KLHL7: variants seen among roughly 807,000 people sequenced by gnomAD.
KLHL7 encodes the protein kelch like family member 7.
KLHL7 carries 44 observed loss-of-function variants against 67.4 expected under a neutral mutation model. That is an observed-to-expected ratio of 0.65 (90% CI 0.51 to 0.84). The LOEUF is 0.84. KLHL7 is among the 40% of genes least tolerant of loss of function. KLHL7 has a pLI of 0.00. For synonymous variants in KLHL7, 252 were observed against 243.3 expected (o/e 1.04, Z -0.33); for missense variants, 362 against 718.1 (o/e 0.50, Z 5.67).
In KLHL7 at chr7:23,164,457, T is replaced by C. The variant is rs1213595394; in HGVS notation, c.937-1241T>C. Among the ~76,000 whole-genome samples the C allele has an allele frequency of 4.6e-5, 7 of 152,214 alleles. 1 individual carries two copies. The highest frequency in any genetic ancestry group is 1.0e-4 in the Non-Finnish European group (7 of 68,036). ...TTTATCTCTTTATTTCATTCTGTGGTATACAGTTTCTCTAAGAGAACAAGT... is the reference window on the plus strand; with the variant it reads ...TTTATCTCTTTATTTCATTCTGTGGCATACAGTTTCTCTAAGAGAACAAGT... On this transcript the variant is annotated intron_variant, in intron 7 of 10. Coordinates refer to ENST00000339077, the MANE Select transcript of KLHL7 (RefSeq NM_001031710.3).
In KLHL7 at chr7:23,177,728, T is replaced by C. The variant is rs1315260564; in HGVS notation, c.*3430T>C. The C allele has an allele frequency of 6.6e-6, 1 of 152,186 alleles. No individual in the cohort carries two copies. Among genetic ancestry groups the C allele is most frequent in the African/African-American group, 2.4e-5 (1 of 41,452 alleles). The allele number at this position is 152,186 out of a possible 1,614,324, so 9.4% of individuals were successfully genotyped here. ...AAATCACAATTCGGTCAGAAAAGTT[T>C]AGCATCTTAAAAAAATTGTTGCTAT... On this transcript the variant is annotated 3_prime_UTR_variant, in exon 11 of 11. Coordinates refer to ENST00000339077, the MANE Select transcript of KLHL7 (RefSeq NM_001031710.3).
intron 1 of KLHL7, among the ~76,000 whole-genome samples, chr7:23,107,834 A>G (rs1282534777): frequency 1.3e-5 from 2 of 152,228 alleles, no homozygotes; most frequent in African/African-American, 4.8e-5. Context: ...TAGCACTTTT[A>G]TCAACTTCAT....
intron 1 of KLHL7, among the ~76,000 whole-genome samples, chr7:23,120,908 T>C (rs1783307283): frequency 1.3e-5 from 2 of 152,168 alleles, no homozygotes; most frequent in Non-Finnish European, 2.9e-5. Context: ...TGATATAGAA[T>C]ATTAGAACTT....
chr7:23,152,327 T>C, intron 7 of KLHL7, 118 bp downstream of exon 7: 1 of 914,766 alleles, frequency 1.1e-6, no homozygotes, highest in Non-Finnish European at 1.8e-6. Flanking sequence ...TTTATGGTGT[T>C]CTTTCACATA....
intron 1 of KLHL7, among the ~76,000 whole-genome samples, chr7:23,123,275 T>G (rs1783423880): frequency 6.6e-6 from 1 of 152,222 alleles, no homozygotes; most frequent in South Asian, 2.1e-4. Flanking sequence ...CTGAGCTGTT[T>G]CTGTTTCAAG....
chr7:23,123,706 C>T, intron 1 of KLHL7, 71 bp from the exon 2 acceptor site: 1 of 976,082 alleles, frequency 1.0e-6, no homozygotes, highest in South Asian at 1.4e-5. Flanking sequence ...TTGGCAAGCA[C>T]CTTTTTAACA....
intron 1 of KLHL7, chr7:23,117,743 A>G (rs1469796320): frequency 2.5e-6 from 3 of 1,192,762 alleles, no homozygotes; most frequent in Admixed American, 2.6e-5. Context: ...CTTTGCATTT[A>G]TTATTGCTTT....
intron 7 of KLHL7, among the ~76,000 whole-genome samples, chr7:23,153,289 G>T (rs1391375698): frequency 1.3e-5 from 2 of 152,070 alleles, no homozygotes; most frequent in East Asian, 3.9e-4. Flanking sequence ...ACCAAGCCCA[G>T]GCCTCTCAAG....
intron 1 of KLHL7, among the ~76,000 whole-genome samples, chr7:23,116,296 CACAGGGACCACTATGGCCCTT>C (rs1319560200): frequency 4.6e-5 from 7 of 152,338 alleles, no homozygotes; most frequent in South Asian, 2.1e-4. Context: ...CCCGTGGTCC[CACAGGGACCACTATGGCCCTT>C]ACAGCATGCT....
In KLHL7 at chr7:23,125,145, G is replaced by A; in HGVS notation, c.415G>A (p.Glu139Lys). The change falls in exon 4 of 11, where the codon GAA becomes AAA. Residue 139 changes from glutamate to lysine, a missense_variant. Physicochemically the swap from Glu to Lys is moderately conservative, Grantham distance 56. This residue lies in a region of KLHL7 where 155 missense variants were observed against 280.8 expected (regional missense o/e 0.55). Coordinates refer to ENST00000339077, the MANE Select transcript of KLHL7 (RefSeq NM_001031710.3). The part of the protein sequence containing the change: ...VKKMCVDFLK[E>K]QVDASNCLGI... ...GAAAATGTGTGTTGATTTTTTGAAA[G>A]AACAAGTTGATGCTTCAAATTGTCT... 1 of 1,613,490 alleles carries A rather than the reference G, an allele frequency of 6.2e-7. No homozygotes were observed. The highest frequency in any genetic ancestry group is 8.5e-7 in the Non-Finnish European group (1 of 1,179,554).
At chr7:23,169,361 G>A (rs187103214) in intron 9 of KLHL7, among the ~76,000 whole-genome samples, 1 of 152,236 alleles carries the variant, frequency 6.6e-6, no homozygotes, top group Non-Finnish European at 1.5e-5. Flanking sequence ...ATTTAAGGAA[G>A]CATAATCAAT....
intron 6 of KLHL7, among the ~76,000 whole-genome samples, chr7:23,145,542 T>C (rs531895767): frequency 6.6e-6 from 1 of 152,340 alleles, no homozygotes; most frequent in South Asian, 2.1e-4. Context: ...GCTGTATGTA[T>C]GAGTGGGCAT....
rs1583701870 is a variant in KLHL7, at chr7:23,149,040, A to G, written c.794-3027A>G. 2.6e-5 allele frequency among the ~76,000 whole-genome samples: 4 copies of G among 152,296 alleles called. No individual in the cohort carries two copies. The South Asian group carries it at 8.3e-4, about 32-fold the overall frequency. On this transcript the variant is annotated intron_variant, in intron 6 of 10. Coordinates refer to ENST00000339077, the MANE Select transcript of KLHL7 (RefSeq NM_001031710.3). ...CCGGACTTTGTTGCCTTTCCAGAGT[A>G]GAAGAAAAACAGAAAAGACGGTTGA... is the stretch of plus-strand genomic sequence containing the variant.
intron 5 of KLHL7, among the ~76,000 whole-genome samples, chr7:23,142,012 G>A (rs1289880379): frequency 6.6e-6 from 1 of 151,996 alleles, no homozygotes. Context: ...TCCACCTCCC[G>A]GGTTCAAGCG....
rs1168091692 is a variant in KLHL7, at chr7:23,156,368, TG to T, written c.936+4160del. 4.6e-5 allele frequency among the ~76,000 whole-genome samples: 7 copies of T among 152,362 alleles called. No individual in the cohort carries two copies. In the East Asian group the frequency reaches 1.3e-3, roughly 29 times the overall value. ...CCTATTGAGCTGCCTCTTCCCATCC[TG>T]TATGTTTTTAAATCATCAAGTGCTT... On this transcript the variant is annotated intron_variant, in intron 7 of 10. Coordinates refer to ENST00000339077, the MANE Select transcript of KLHL7 (RefSeq NM_001031710.3).
At chr7:23,161,182 C>G (rs1784844425) in intron 7 of KLHL7, among the ~76,000 whole-genome samples, 1 of 151,974 alleles carries the variant, frequency 6.6e-6, no homozygotes, top group South Asian at 2.1e-4. Flanking sequence ...TCAAAGTGCC[C>G]ACAACGTCCA....
chr7:23,121,899 G>T (rs1016828170), intron 1 of KLHL7, among the ~76,000 whole-genome samples: 2 of 151,964 alleles, frequency 1.3e-5, no homozygotes, highest in Admixed American at 1.3e-4. Context: ...AGCCAGGATG[G>T]TCTCAATCTG....
In KLHL7 at chr7:23,124,190, C is replaced by CAAAAAAAA. The variant is rs149801497; in HGVS notation, c.223+336_223+343dup. 4.3e-4 allele frequency among the ~76,000 whole-genome samples: 11 copies of CAAAAAAAA among 25,872 alleles called. 1 individual carries two copies. Among genetic ancestry groups the CAAAAAAAA allele is most frequent in the African/African-American group, 6.4e-4 (4 of 6,298 alleles). 17.0% of individuals were successfully genotyped at this position (25,872 alleles called of 152,430 possible). On this transcript the variant is annotated intron_variant, in intron 2 of 10. Transcript: ENST00000339077. Reference sequence around the variant, plus strand: ...TGGGCGTCAGAGCGAGACTCTGTCTCAAAAAAAAAAAAAAAAAAAAAAAAA... The same window carrying CAAAAAAAA: ...TGGGCGTCAGAGCGAGACTCTGTCTCAAAAAAAAAAAAAAAAAAAAAAAAAAAAAAAAA...
rs560533800 is a variant in KLHL7 at position 23,165,680 on chromosome 7, C to T, written c.937-18C>T. ...ATTTTTTTCCTTACTGAAAGCTTCC[C>T]ATCCTTTTCTGCTACAGGATTATAG... is the stretch of plus-strand genomic sequence containing the variant. On this transcript the variant is annotated intron_variant, in intron 7 of 10. Transcript: ENST00000339077. The T allele has an allele frequency of 1.6e-5, 26 of 1,613,954 alleles. No individual in the cohort carries two copies. In the South Asian group the frequency reaches 2.9e-4, roughly 18 times the overall value.
Sources: allele counts gnomAD v4.1 joint callset (sites outside exome capture counted in the v4.1 genomes callset), GRCh38; gene constraint gnomAD v4.1.1; regional missense constraint gnomAD v4.1.1; transcripts MANE v1.5; gene names NCBI Gene and HGNC (gene_info 2026-07-23, HGNC 2026-07-21).